RBFOX1: variants seen among roughly 807,000 people sequenced by gnomAD.
RBFOX1 encodes the protein RNA binding protein fox-1 homolog 1.
In RBFOX1, 8 loss-of-function variants were observed where a neutral mutation model predicts 57.7. The ratio of observed to expected loss-of-function variants is 0.14; its 90% CI spans 0.08 to 0.25. The LOEUF (loss-of-function observed/expected upper bound fraction) is 0.25. RBFOX1 is among the 10% of genes least tolerant of loss of function. RBFOX1 has a pLI of 1.00. For synonymous variants in RBFOX1, 326 were observed against 222.4 expected (o/e 1.47, Z -4.15); for missense variants, 611 against 548.5 (o/e 1.11, Z -1.14).
intron 2 of RBFOX1, among the ~76,000 whole-genome samples, chr16:6,492,711 C>G (rs913012857): frequency 1.3e-5 from 2 of 152,172 alleles, no homozygotes; most frequent in Non-Finnish European, 2.9e-5. Flanking sequence ...CAGAAGGAAA[C>G]TGGAGCGGAG....
At chr16:6,954,360 T>C (rs1375992033) in intron 3 of RBFOX1, among the ~76,000 whole-genome samples, 1 of 152,182 alleles carries the variant, frequency 6.6e-6, no homozygotes, top group Non-Finnish European at 1.5e-5. Flanking sequence ...AATAACGGTC[T>C]TCCATCCATT....
intron 11 of RBFOX1, among the ~76,000 whole-genome samples, chr16:7,651,461 C>A (rs78788634): frequency 0.016 from 2,413 of 152,264 alleles, 32 homozygotes; most frequent in Middle Eastern, 0.034. Context: ...GCCAGGGCCT[C>A]CAGTGAGGCT....
At chr16:5,938,297 G>T (rs1368307179) in intron 4 of RBFOX1, among the ~76,000 whole-genome samples, 1 of 152,132 alleles carries the variant, frequency 6.6e-6, no homozygotes, top group African/African-American at 2.4e-5. Flanking sequence ...AGCTAGACCA[G>T]TGTCTGGAGC....
intron 4 of RBFOX1, among the ~76,000 whole-genome samples, chr16:7,473,543 C>G (rs78237441): frequency 1.3e-5 from 2 of 149,658 alleles, no homozygotes; most frequent in Non-Finnish European, 3.0e-5. Flanking sequence ...AGGACCTTGA[C>G]TATAGTAGTA....
chr16:7,036,666 C>G (rs191184823), intron 3 of RBFOX1, among the ~76,000 whole-genome samples: 3 of 151,556 alleles, frequency 2.0e-5, no homozygotes, highest in African/African-American at 7.3e-5. Context: ...GCACTCCAGC[C>G]TCGTCGAAAG....
intron 3 of RBFOX1, among the ~76,000 whole-genome samples, chr16:5,648,068 C>A (rs2049107963): frequency 6.6e-6 from 1 of 152,104 alleles, no homozygotes; most frequent in Non-Finnish European, 1.5e-5. Context: ...CTGTATTGGC[C>A]AGGCTGTTCT....
chr16:7,140,189 T>TCTCTCTCTCTCTCTCTCC (rs1477024828), intron 4 of RBFOX1, among the ~76,000 whole-genome samples: 1 of 144,424 alleles, frequency 6.9e-6, no homozygotes, highest in African/African-American at 2.6e-5. Context: ...TCTCTCTCTC[T>TCTCTCTCTCTCTCTCTCC]CTCTCCCTCC....
At chr16:7,444,822 G>A (rs944517232) in intron 4 of RBFOX1, among the ~76,000 whole-genome samples, 5 of 152,082 alleles carry the variant, frequency 3.3e-5, no homozygotes, top group South Asian at 2.1e-4. Context: ...ATAAGCCACC[G>A]TGCCCCACTG....
intron 1 of RBFOX1, among the ~76,000 whole-genome samples, chr16:6,296,907 CTGTT>C (rs2078181288): frequency 3.3e-5 from 5 of 152,052 alleles, no homozygotes; most frequent in Admixed American, 3.3e-4. Context: ...AAGTGAAAGC[CTGTT>C]TATTAGGAAA....
chr16:5,898,501 A>G (rs1382982197), intron 4 of RBFOX1, among the ~76,000 whole-genome samples: 1 of 138,508 alleles, frequency 7.2e-6, no homozygotes, highest in African/African-American at 2.6e-5. Flanking sequence ...AGTAATGATG[A>G]TAATAATAAG....
At chr16:6,528,932 C>T (rs76321793) in intron 2 of RBFOX1, among the ~76,000 whole-genome samples, 2 of 152,258 alleles carry the variant, frequency 1.3e-5, no homozygotes, top group African/African-American at 2.4e-5. Flanking sequence ...ATTAAATGAA[C>T]AGGTAAAATT....
intron 2 of RBFOX1, among the ~76,000 whole-genome samples, chr16:5,498,505 T>G (rs2043078348): frequency 6.6e-6 from 1 of 152,170 alleles, no homozygotes; most frequent in Admixed American, 6.5e-5. Flanking sequence ...TTCTTTGATT[T>G]GTGTTTCTAG....
At chr16:6,890,734 G>A (rs2065217950) in intron 3 of RBFOX1, among the ~76,000 whole-genome samples, 1 of 152,318 alleles carries the variant, frequency 6.6e-6, no homozygotes, top group Non-Finnish European at 1.5e-5. Context: ...AGAAGAAGGA[G>A]AGTGCCTAAA....
chr16:7,089,958 G>T (rs967786699), intron 4 of RBFOX1, among the ~76,000 whole-genome samples: 2 of 151,726 alleles, frequency 1.3e-5, no homozygotes, highest in Non-Finnish European at 2.9e-5. Context: ...GCTGGATGCA[G>T]GCTGTTTAAG....
intron 4 of RBFOX1, among the ~76,000 whole-genome samples, chr16:7,391,551 C>T (rs1236915527): frequency 6.6e-6 from 1 of 152,204 alleles, no homozygotes; most frequent in Non-Finnish European, 1.5e-5. Context: ...ACTTCCTTGA[C>T]CTCACTGACT....
At chr16:6,476,984 A>C (rs1003052562) in intron 2 of RBFOX1, among the ~76,000 whole-genome samples, 2 of 151,596 alleles carry the variant, frequency 1.3e-5, no homozygotes, top group African/African-American at 2.4e-5. Flanking sequence ...ATAAGAAGAA[A>C]CTCCTCATCT....
At chr16:7,688,260 T>TGTGTGTGA (rs1319185243) in intron 14 of RBFOX1, among the ~76,000 whole-genome samples, 2 of 125,390 alleles carry the variant, frequency 1.6e-5, no homozygotes, top group African/African-American at 5.9e-5. Flanking sequence ...TGTGTGTGTG[T>TGTGTGTGA]GAGAGAGAGA....
At chr16:7,041,676 G>C (rs1464407024) in intron 3 of RBFOX1, among the ~76,000 whole-genome samples, 2 of 152,066 alleles carry the variant, frequency 1.3e-5, no homozygotes, top group Non-Finnish European at 2.9e-5. Context: ...CTTTCGAAAG[G>C]AATCTGATGC....
At chr16:6,251,844 T>C (rs942048007) in intron 1 of RBFOX1, among the ~76,000 whole-genome samples, 1 of 152,158 alleles carries the variant, frequency 6.6e-6, no homozygotes, top group African/African-American at 2.4e-5. Context: ...ACGTCCAGTC[T>C]GAGGATCGTT....
Sources: allele counts gnomAD v4.1 joint callset (sites outside exome capture counted in the v4.1 genomes callset), GRCh38; gene constraint gnomAD v4.1.1; transcripts MANE v1.5; gene names NCBI Gene and HGNC (gene_info 2026-07-23, HGNC 2026-07-21).